Variants in TMEM71 observed in about 807,000 individuals in gnomAD.
The protein encoded by TMEM71 is transmembrane protein 71.
In TMEM71, 44 loss-of-function variants were observed where a neutral mutation model predicts 38.0. The observed-to-expected ratio is 1.16, with a 90% CI of 0.91 to 1.49. The LOEUF is 1.49. TMEM71 is among the 40% of genes most tolerant of loss of function. The pLI is 0.00. For synonymous variants in TMEM71, 133 were observed against 122.5 expected, an observed-to-expected ratio of 1.09 and a Z score of -0.56; for missense variants, 367 against 348.6, an observed-to-expected ratio of 1.05 and a Z score of -0.42.
the TMEM71 span, chr8:132,775,352 C>T: frequency 2.8e-6 from 1 of 354,524 alleles, no homozygotes; most frequent in Non-Finnish European, 5.0e-6. Flanking sequence ...CGGCACGTCG[C>T]GGGCGGCTGA....
upstream of TMEM71, among the ~76,000 whole-genome samples, chr8:132,763,819 A>C (rs1315800526): frequency 6.6e-6 from 1 of 152,226 alleles, no homozygotes; most frequent in Non-Finnish European, 1.5e-5. Flanking sequence ...TCCCACGTAA[A>C]GCCAAAACTG....
chr8:132,745,675 T>C (rs560001698), intron 5 of TMEM71, among the ~76,000 whole-genome samples: 2 of 152,262 alleles, frequency 1.3e-5, no homozygotes, highest in African/African-American at 4.8e-5. Context: ...ACTATGTATA[T>C]ATCCAAGAGG....
intron 5 of TMEM71, among the ~76,000 whole-genome samples, chr8:132,742,160 A>G (rs1013733635): frequency 6.6e-6 from 1 of 152,250 alleles, no homozygotes; most frequent in Non-Finnish European, 1.5e-5. Context: ...TGGAATAAAG[A>G]GTAATTGCTA....
intron 2 of TMEM71, 186 bp downstream of exon 2, chr8:132,758,651 TACC>T (rs775017489): frequency 1.3e-4 from 68 of 528,786 alleles, no homozygotes; most frequent in East Asian, 4.9e-4. Context: ...GAAGGAAAAA[TACC>T]ACATTTCTTT....
At chr8:132,716,187 G>A (rs767885166) in intron 7 of TMEM71, among the ~76,000 whole-genome samples, 42 of 152,178 alleles carry the variant, frequency 2.8e-4, no homozygotes, top group Admixed American at 5.9e-4. Flanking sequence ...GCTTGGAAGC[G>A]CCTGCTCCTG....
At chr8:132,735,535 T>C (rs1827699819) in intron 5 of TMEM71, among the ~76,000 whole-genome samples, 1 of 152,180 alleles carries the variant, frequency 6.6e-6, no homozygotes, top group Admixed American at 6.5e-5. Flanking sequence ...GATTTCAAAG[T>C]TCTGTGTGCG....
chr8:132,712,650 C>T (rs1586781412), intron 9 of TMEM71, among the ~76,000 whole-genome samples: 1 of 152,092 alleles, frequency 6.6e-6, no homozygotes, highest in African/African-American at 2.4e-5. Context: ...GCATTCACAC[C>T]CTGGTACCTA....
In TMEM71 at chr8:132,746,335, G is replaced by T. The variant is rs1031097020; in HGVS notation, c.487+607C>A. Among the ~76,000 whole-genome samples the T allele has an allele frequency of 9.6e-5, 14 of 146,224 alleles. No individual in the cohort carries two copies. The East Asian group carries it at 2.4e-3, about 25-fold the overall frequency. On this transcript the variant is annotated intron_variant, in intron 5 of 9. Coordinates refer to ENST00000677595, the MANE Select transcript of TMEM71 (RefSeq NM_001382403.1). ...ATATATTATATTTCAACAGTTATGT[G>T]TTTATATACATACACACAAATATAC...
the TMEM71 span, chr8:132,775,777 T>G: frequency 4.3e-6 from 1 of 232,906 alleles, no homozygotes; most frequent in Admixed American, 5.7e-5. Context: ...GCCGGCCCTA[T>G]TGTCTGGGCG....
intron 4 of TMEM71, among the ~76,000 whole-genome samples, chr8:132,749,186 GC>G (rs1311351342): frequency 6.6e-6 from 1 of 152,188 alleles, no homozygotes; most frequent in Non-Finnish European, 1.5e-5. Flanking sequence ...CCTTGCAATA[GC>G]CTGGCCTGGG....
the TMEM71 span, among the ~76,000 whole-genome samples, chr8:132,767,053 T>C: frequency 6.6e-6 from 1 of 152,172 alleles, no homozygotes; most frequent in Non-Finnish European, 1.5e-5. Context: ...AACGGAATGA[T>C]CAGTTTGATC....
the TMEM71 span, among the ~76,000 whole-genome samples, chr8:132,769,217 A>G: frequency 1.3e-5 from 2 of 152,254 alleles, no homozygotes; most frequent in Admixed American, 1.3e-4. Context: ...AAGCTTACTC[A>G]TCCTTCAAAG....
intron 7 of TMEM71, among the ~76,000 whole-genome samples, chr8:132,714,608 T>C (rs1476980390): frequency 2.6e-5 from 4 of 152,194 alleles, no homozygotes; most frequent in African/African-American, 9.7e-5. Context: ...GTAAAACTTC[T>C]AGAAGAAAAC....
the TMEM71 span, chr8:132,775,358 G>A: frequency 1.7e-5 from 6 of 357,682 alleles, no homozygotes; most frequent in Admixed American, 4.7e-5. Flanking sequence ...GTCGCGGGCG[G>A]CTGACGTCGC....
chr8:132,763,011 A>T (rs1829322332), upstream of TMEM71, among the ~76,000 whole-genome samples: 1 of 152,112 alleles, frequency 6.6e-6, no homozygotes, highest in Non-Finnish European at 1.5e-5. Context: ...CTCTCTTGAG[A>T]CCCACTCATC....
intron 9 of TMEM71, among the ~76,000 whole-genome samples, chr8:132,713,269 A>G (rs1255626619): frequency 6.6e-6 from 1 of 151,690 alleles, no homozygotes; most frequent in African/African-American, 2.4e-5. Context: ...AAATACCCAG[A>G]AATTATGGGA....
At chr8:132,741,598 G>A (rs926094175) in intron 5 of TMEM71, among the ~76,000 whole-genome samples, 10 of 151,152 alleles carry the variant, frequency 6.6e-5, no homozygotes, top group Non-Finnish European at 1.0e-4. Context: ...CCTGGCAGCC[G>A]AGGCAGAGAG....
At chr8:132,748,656 A>AGT (rs1407347255) in intron 4 of TMEM71, among the ~76,000 whole-genome samples, 1 of 152,246 alleles carries the variant, frequency 6.6e-6, no homozygotes, top group African/African-American at 2.4e-5. Context: ...AAAAGGAATT[A>AGT]GTAATTTTTA....
At chr8:132,757,480 C>G (rs955285625) in intron 2 of TMEM71, among the ~76,000 whole-genome samples, 186 bp from the exon 3 acceptor site, 4 of 152,062 alleles carry the variant, frequency 2.6e-5, no homozygotes, top group African/African-American at 9.7e-5. Context: ...AGGGATCTAC[C>G]GGAAGCAAGA....
Sources: allele counts gnomAD v4.1 joint callset (sites outside exome capture counted in the v4.1 genomes callset), GRCh38; gene constraint gnomAD v4.1.1; transcripts MANE v1.5; gene names NCBI Gene and HGNC (gene_info 2026-07-23, HGNC 2026-07-21).